The following ANAPC5 variants were observed in gnomAD, a reference collection of about 807,000 sequenced individuals.
ANAPC5 encodes anaphase promoting complex subunit 5, also known as anaphase-promoting complex subunit 5.
Under a neutral mutation model 91.3 loss-of-function variants are expected in ANAPC5, and 60 were observed. That is an observed-to-expected ratio of 0.66 (90% CI 0.53 to 0.81). The LOEUF is 0.81. Ranked by LOEUF, ANAPC5 falls within the 40% of genes least tolerant of loss-of-function variation. ANAPC5 has a pLI of 0.00. For missense variants in ANAPC5, 690 were observed against 931.5 expected (o/e 0.74, Z 3.37); for synonymous variants, 340 against 364.1 (o/e 0.93, Z 0.75).
intron 11 of ANAPC5, among the ~76,000 whole-genome samples, chr12:121,322,792 G>A (rs1213923301): frequency 1.3e-5 from 2 of 152,184 alleles, no homozygotes; most frequent in Admixed American, 1.3e-4. Context: ...GGAGGCCAAG[G>A]AGGGCAGATC....
intron 15 of ANAPC5, among the ~76,000 whole-genome samples, chr12:121,316,038 T>C (rs1902346271): frequency 6.6e-6 from 1 of 152,228 alleles, no homozygotes; most frequent in African/African-American, 2.4e-5. Flanking sequence ...TTGTAAATTA[T>C]ATATCTGATA....
At chr12:121,345,321 G>A (rs1555274549) in intron 4 of ANAPC5, among the ~76,000 whole-genome samples, 1 of 152,130 alleles carries the variant, frequency 6.6e-6, no homozygotes, top group South Asian at 2.1e-4. Context: ...AACAATACCA[G>A]TCAGGGACCC....
chr12:121,341,930 A>G (rs10400545), intron 5 of ANAPC5, 73 bp downstream of exon 5: 74,441 of 1,229,388 alleles, frequency 0.061, 2,563 homozygotes, highest in African/African-American at 0.09. Context: ...CCTATGCCAC[A>G]ACACACATCA....
chr12:121,334,996 A>AT (rs1275409680), intron 7 of ANAPC5: 1 of 152,216 alleles, frequency 6.6e-6, no homozygotes, highest in Non-Finnish European at 1.5e-5. Flanking sequence ...TCCAGTGCCA[A>AT]TAAGGTTCCC....
intron 15 of ANAPC5, among the ~76,000 whole-genome samples, chr12:121,316,650 A>G (rs924434959): frequency 5.5e-5 from 8 of 146,668 alleles, no homozygotes; most frequent in East Asian, 2.1e-4. Context: ...GGAGAATGGC[A>G]TGAACCCGGG....
At chr12:121,345,666 CAA>C (rs1903638731) in intron 4 of ANAPC5, among the ~76,000 whole-genome samples, 171 bp downstream of exon 4, 1 of 152,090 alleles carries the variant, frequency 6.6e-6, no homozygotes, top group South Asian at 2.1e-4. Context: ...TGGCCAATCA[CAA>C]GTCAGAGGGC....
intron 15 of ANAPC5, chr12:121,318,013 GA>G: frequency 3.3e-6 from 1 of 301,196 alleles, no homozygotes. Context: ...TCATTAATAT[GA>G]TGCAGGTGTT....
At position 121,345,991 on chromosome 12, in the gene ANAPC5, A is replaced by C; in HGVS notation, c.438T>G (p.Leu146=). 6.2e-7 allele frequency: 1 copy of C among 1,611,318 alleles called. No homozygotes were observed. The highest frequency in any genetic ancestry group is 1.1e-5 in the South Asian group (1 of 90,214). Residue 146 remains leucine (L), a synonymous_variant, in exon 4 of 17, where the codon CTT becomes CTG. Transcript: ENST00000261819. The part of the protein sequence containing the change: ...LRHMILAYSK[L]SFSQVFKLYT... ...ACAGTTTAAACACTTGGCTGAAAGA[A>C]AGCTTACTGTAGGCCAAGATCATGT... is the stretch of plus-strand genomic sequence containing the variant.
chr12:121,336,802 A>G (rs1351326150), intron 6 of ANAPC5, among the ~76,000 whole-genome samples: 1 of 152,224 alleles, frequency 6.6e-6, no homozygotes, highest in Non-Finnish European at 1.5e-5. Flanking sequence ...GAAATCGCCT[A>G]TGGCCCGAGG....
At chr12:121,309,467 T>G (rs1282521499) in intron 16 of ANAPC5, among the ~76,000 whole-genome samples, 1 of 152,134 alleles carries the variant, frequency 6.6e-6, no homozygotes. Context: ...ACTCCTGACT[T>G]CTAGCCTGGT....
In ANAPC5 at chr12:121,331,374, G is replaced by C. The variant is rs782415180; in HGVS notation, c.1005C>G (p.Asn335Lys). The C allele has an allele frequency of 6.2e-7, 1 of 1,608,972 alleles. No individual in the cohort carries two copies. Among genetic ancestry groups the C allele is most frequent in the East Asian group, 2.2e-5 (1 of 44,706 alleles). Residue 335 changes from asparagine to lysine, a missense_variant, in exon 8 of 17, where the codon AAC becomes AAG. Asn to Lys is a moderately conservative substitution (Grantham distance 94). This residue lies in a region of ANAPC5 where 83 missense variants were observed against 150.8 expected (regional missense o/e 0.55). Transcript: ENST00000261819. ...AACAGTGCTGGAGACACACGTGATC[G>C]TTGGACTCCTGGGCAATCCTAATTG... ...QEAIRIAQES[N>K]DHVCLQHCLS...
chr12:121,347,130 G>A, intron 2 of ANAPC5, 125 bp from the exon 3 acceptor site: 1 of 551,998 alleles, frequency 1.8e-6, no homozygotes, highest in Non-Finnish European at 3.1e-6. Flanking sequence ...ATAAAATGGT[G>A]GCTCATAAAA....
chr12:121,333,595 G>A (rs1903122247), intron 7 of ANAPC5: 2 of 152,086 alleles, frequency 1.3e-5, no homozygotes, highest in South Asian at 2.1e-4. Flanking sequence ...AAATATTTTT[G>A]GGTACAACTA....
At chr12:121,328,564 G>T in intron 9 of ANAPC5, 67 bp from the exon 10 acceptor site, 1 of 1,465,708 alleles carries the variant, frequency 6.8e-7, no homozygotes, top group Non-Finnish European at 9.4e-7. Context: ...TTGCTCTTCA[G>T]AAATGTGGTG....
chr12:121,331,283 C>T (rs938807078), intron 8 of ANAPC5, 64 bp downstream of exon 8: 18 of 1,375,392 alleles, frequency 1.3e-5, no homozygotes, highest in Middle Eastern at 2.0e-4. Flanking sequence ...CCCAATTCAA[C>T]GGGGCCTTGT....
chr12:121,327,102 C>T lies in ANAPC5; in HGVS notation c.1434G>A (p.Ala478=), dbSNP rs782286059. Residue 478 remains alanine, a synonymous_variant, in exon 11 of 17, where the codon GCG becomes GCA. Transcript: ENST00000261819. ...VALCHLAELH[A]EQGCFAAASE... ...GGCCCGGCCACCTGCCTACCTGCTC[C>T]GCGTGTAGCTCTGCGAGGTGGCAGA... 2.5e-6 allele frequency: 4 copies of T among 1,598,506 alleles called. No homozygotes were observed. Among genetic ancestry groups the T allele is most frequent in the East Asian group, 2.2e-5 (1 of 44,478 alleles).
Position 121,345,962 on chromosome 12 carries a change from G to A in ANAPC5, c.467C>T (p.Thr156Ile). Residue 156 changes from threonine to isoleucine, a missense_variant, in exon 4 of 17, where the codon ACT becomes ATT. By Grantham distance (89) the Thr-to-Ile change is moderately conservative (BLOSUM62 -1). Coordinates refer to ENST00000261819, the MANE Select transcript of ANAPC5 (RefSeq NM_016237.5). ...LSFSQVFKLY[T>I]ALQQYFQNGE... ...ATTCTGGAAGTACTGCTGAAGGGCA[G>A]TGTACAGTTTAAACACTTGGCTGAA... 6.2e-7 allele frequency: 1 copy of A among 1,614,104 alleles called. No homozygotes were observed. The highest frequency in any genetic ancestry group is 8.5e-7 in the Non-Finnish European group (1 of 1,179,992).
intron 11 of ANAPC5, 79 bp from the exon 12 acceptor site, chr12:121,320,538 G>A (rs1902554721): frequency 8.4e-7 from 1 of 1,187,476 alleles, no homozygotes; most frequent in South Asian, 1.4e-5. Context: ...GATGGTGACA[G>A]ATTCACCTGT....
intron 1 of ANAPC5, among the ~76,000 whole-genome samples, chr12:121,351,583 G>A (rs1903894333): frequency 6.6e-6 from 1 of 151,318 alleles, no homozygotes; most frequent in South Asian, 2.1e-4. Flanking sequence ...TCAGCCTCCC[G>A]AGTAGCTGAA....
Sources: gnomAD v4.1 joint callset for allele counts (sites outside exome capture counted in the v4.1 genomes callset) on GRCh38, gnomAD v4.1.1 for gene constraint, gnomAD v4.1.1 regional missense constraint, MANE v1.5 for transcripts, NCBI Gene and HGNC (gene_info 2026-07-23, HGNC 2026-07-21) for gene names.